BCL2L14: variants seen among roughly 807,000 people sequenced by gnomAD.
BCL2L14 encodes the protein BCL2 like 14.
A neutral mutation model predicts 35.3 loss-of-function variants in BCL2L14; 27 were observed. The ratio of observed to expected loss-of-function variants is 0.76; its 90% CI spans 0.56 to 1.05. The LOEUF (loss-of-function observed/expected upper bound fraction) is 1.05. BCL2L14 is among the 50% of genes least tolerant of loss of function. The pLI is 0.00. For missense variants in BCL2L14, 377 were observed against 382.6 expected (o/e 0.99, Z 0.12); for synonymous variants, 139 against 145.9 (o/e 0.95, Z 0.34).
At chr12:12,094,464 G>A (rs749065278) in intron 4 of BCL2L14, 200 bp from the exon 5 acceptor site, 6 of 1,474,136 alleles carry the variant, frequency 4.1e-6, no homozygotes, top group East Asian at 2.3e-5. Context: ...TATTTGTGCT[G>A]ATGAAATGAA....
rs906625691 is a variant in BCL2L14, at chr12:12,094,825, C to T, written c.840C>T (p.Ala280=). ...CTGCCCTTGTAATAGACGTCACGGC[C>T]AAGCTCACAGCTATTGACAACCACC... ...FKAALVIDVT[A]KLTAIDNHPM... The change falls in exon 5 of 6, where the codon GCC becomes GCT. Residue 280 remains alanine (A), a synonymous_variant. Transcript: ENST00000308721. 1.9e-6 allele frequency: 3 copies of T among 1,614,082 alleles called. No homozygotes were observed. The highest frequency in any genetic ancestry group is 1.7e-5 in the Admixed American group (1 of 60,014).
At chr12:12,067,990 T>C, upstream of BCL2L14, 4 of 379,112 alleles carry the variant, frequency 1.1e-5, no homozygotes, top group Non-Finnish European at 1.9e-5. Flanking sequence ...CTGAGTGCAG[T>C]GGTGCCATCA....
At chr12:12,062,362 T>C (rs1029038299) in intron 2 of BCL2L14, among the ~76,000 whole-genome samples, 14 of 146,622 alleles carry the variant, frequency 9.5e-5, no homozygotes, top group African/African-American at 2.9e-4. Flanking sequence ...TCACGCTTGA[T>C]TTATTGATGG....
intron 2 of BCL2L14, among the ~76,000 whole-genome samples, chr12:12,060,329 G>C (rs1359244393): frequency 7.9e-6 from 1 of 127,024 alleles, no homozygotes; most frequent in Non-Finnish European, 1.6e-5. Flanking sequence ...AAAAAACCCA[G>C]CCCAGTTCAT....
At chr12:12,058,209 C>T (rs899392667) in intron 2 of BCL2L14, among the ~76,000 whole-genome samples, 1 of 151,442 alleles carries the variant, frequency 6.6e-6, no homozygotes, top group Non-Finnish European at 1.5e-5. Context: ...GCCTCGGCCT[C>T]CCAAAGTGCT....
intron 2 of BCL2L14, among the ~76,000 whole-genome samples, chr12:12,057,768 A>G (rs896060065): frequency 9.9e-5 from 15 of 151,206 alleles, no homozygotes; most frequent in African/African-American, 2.4e-4. Flanking sequence ...AAAAAAAAAA[A>G]AAGAAGTGAA....
chr12:12,060,838 T>C (rs559265061), intron 2 of BCL2L14, among the ~76,000 whole-genome samples: 140 of 129,568 alleles, frequency 1.1e-3, no homozygotes, highest in Admixed American at 2.4e-3. Flanking sequence ...TGACTCCTTC[T>C]CAGCTTAGCG....
chr12:12,095,055 A>G, intron 5 of BCL2L14, 125 bp downstream of exon 5: 1 of 1,454,270 alleles, frequency 6.9e-7, no homozygotes, highest in Non-Finnish European at 9.0e-7. Context: ...AGGACACTTG[A>G]GTGGCCAGAG....
chr12:12,063,174 C>G (rs1448428510), intron 2 of BCL2L14, among the ~76,000 whole-genome samples: 5 of 149,338 alleles, frequency 3.3e-5, no homozygotes, highest in Non-Finnish European at 7.5e-5. Flanking sequence ...ACTAATCATA[C>G]ATGCCCTGCT....
At chr12:12,070,310 CA>C (rs1474022608), upstream of BCL2L14, among the ~76,000 whole-genome samples, 2 of 152,192 alleles carry the variant, frequency 1.3e-5, no homozygotes, top group Non-Finnish European at 2.9e-5. Flanking sequence ...GGATCCGTAG[CA>C]AGATACTTCA....
intron 2 of BCL2L14, among the ~76,000 whole-genome samples, chr12:12,060,787 A>G (rs1455843355): frequency 7.9e-5 from 10 of 125,834 alleles, no homozygotes; most frequent in East Asian, 2.3e-4. Context: ...CCTGGCAGCC[A>G]CTCCCAGAGC....
chr12:12,092,217 G>A (rs1354415628), intron 4 of BCL2L14, among the ~76,000 whole-genome samples: 1 of 152,174 alleles, frequency 6.6e-6, no homozygotes, highest in African/African-American at 2.4e-5. Context: ...GAGGTGGGAC[G>A]AAGGCCACCG....
intron 2 of BCL2L14, among the ~76,000 whole-genome samples, chr12:12,057,903 C>T (rs1022244833): frequency 6.6e-6 from 1 of 151,108 alleles, no homozygotes; most frequent in African/African-American, 2.4e-5. Flanking sequence ...CTCATGTGCT[C>T]GTGTGACCCT....
At chr12:12,096,323 A>T in intron 5 of BCL2L14, 1 of 267,838 alleles carries the variant, frequency 3.7e-6, no homozygotes, top group Non-Finnish European at 5.7e-6. Context: ...AATACCATAA[A>T]TATGCTATTA....
chr12:12,091,294 T>C (rs530134536), intron 4 of BCL2L14, among the ~76,000 whole-genome samples: 2 of 152,306 alleles, frequency 1.3e-5, no homozygotes, highest in East Asian at 1.9e-4. Context: ...CTGTTGCCTG[T>C]TTAAGGGCTC....
chr12:12,078,257 AAGAG>A (rs905373441), intron 1 of BCL2L14, among the ~76,000 whole-genome samples: 9 of 152,172 alleles, frequency 5.9e-5, no homozygotes, highest in African/African-American at 1.9e-4. Context: ...AGAAAAAAGA[AAGAG>A]AGAGAGAGAG....
At chr12:12,058,251 C>A (rs144372103) in intron 2 of BCL2L14, among the ~76,000 whole-genome samples, 22 of 142,456 alleles carry the variant, frequency 1.5e-4, no homozygotes. Flanking sequence ...TGTGCCCAGA[C>A]TCTTTTTTTT....
At chr12:12,090,963 C>A (rs1304784019) in intron 4 of BCL2L14, 114 bp downstream of exon 4, 2 of 641,070 alleles carry the variant, frequency 3.1e-6, no homozygotes, top group Non-Finnish European at 4.8e-6. Context: ...CTGGTTTCTA[C>A]TTAGTCCTAA....
intron 5 of BCL2L14, 123 bp from the exon 6 acceptor site, chr12:12,098,827 C>A: frequency 1.3e-6 from 1 of 745,208 alleles, no homozygotes; most frequent in South Asian, 1.5e-5. Flanking sequence ...AACCCTCCCC[C>A]AAACTAACAT....
Sources: gnomAD v4.1 joint callset for allele counts (sites outside exome capture counted in the v4.1 genomes callset) on GRCh38, gnomAD v4.1.1 for gene constraint, MANE v1.5 for transcripts, NCBI Gene and HGNC (gene_info 2026-07-23, HGNC 2026-07-21) for gene names.